The following MAST4 variants were observed in gnomAD, a reference collection of about 807,000 sequenced individuals.
The protein encoded by MAST4 is microtubule associated serine/threonine kinase family member 4.
MAST4 carries 89 observed loss-of-function variants against 162.7 expected under a neutral mutation model. The ratio of observed to expected loss-of-function variants is 0.55; its 90% CI spans 0.46 to 0.65. The LOEUF (loss-of-function observed/expected upper bound fraction) is 0.65. Among genes scored for constraint, MAST4 ranks in the 30% least tolerant of loss-of-function variants. The pLI is 0.00. For missense variants in MAST4, 3,153 were observed against 3,374.0 expected, an observed-to-expected ratio of 0.93 and a Z score of 1.62; for synonymous variants, 1,479 against 1,361.1, an observed-to-expected ratio of 1.09 and a Z score of -1.91.
chr5:66,900,737 A>G (rs768795842), intron 4 of MAST4, among the ~76,000 whole-genome samples: 3 of 152,134 alleles, frequency 2.0e-5, no homozygotes, highest in Non-Finnish European at 4.4e-5. Flanking sequence ...ATAGTATTTA[A>G]GATAAGTTTT....
At chr5:66,668,807 T>C (rs1017977816) in intron 1 of MAST4, among the ~76,000 whole-genome samples, 1 of 152,146 alleles carries the variant, frequency 6.6e-6, no homozygotes, top group Non-Finnish European at 1.5e-5. Flanking sequence ...TATTCAGAGG[T>C]AGTAGGGGGA....
At chr5:66,953,042 T>C (rs889054617) in intron 4 of MAST4, among the ~76,000 whole-genome samples, 5 of 152,230 alleles carry the variant, frequency 3.3e-5, no homozygotes, top group African/African-American at 1.2e-4. Flanking sequence ...GTGTATTAAA[T>C]GAACGATATG....
At chr5:66,924,589 T>C (rs1188192862) in intron 4 of MAST4, among the ~76,000 whole-genome samples, 5 of 152,092 alleles carry the variant, frequency 3.3e-5, no homozygotes, top group Non-Finnish European at 7.3e-5. Flanking sequence ...GTATTTTTAG[T>C]AGAGATGGGG....
At chr5:66,964,867 A>T (rs1746500520) in intron 4 of MAST4, among the ~76,000 whole-genome samples, 1 of 152,246 alleles carries the variant, frequency 6.6e-6, no homozygotes. Flanking sequence ...AGGGCAACTT[A>T]AATTTTTTTA....
intron 1 of MAST4, among the ~76,000 whole-genome samples, chr5:66,641,120 G>T (rs1184339918): frequency 6.6e-6 from 1 of 151,970 alleles, no homozygotes; most frequent in African/African-American, 2.4e-5. Context: ...CTGAATTTTG[G>T]ATGTTCACCT....
intron 3 of MAST4, among the ~76,000 whole-genome samples, chr5:66,832,392 C>T (rs1024472451): frequency 1.8e-4 from 27 of 151,958 alleles, no homozygotes; most frequent in Admixed American, 6.6e-4. Flanking sequence ...GTTTGGTTTG[C>T]TTCTCTTTCT....
At chr5:66,795,500 A>G (rs1344481981) in intron 3 of MAST4, among the ~76,000 whole-genome samples, 2 of 152,214 alleles carry the variant, frequency 1.3e-5, no homozygotes, top group East Asian at 1.9e-4. Context: ...GTACAAATTT[A>G]TACTTTTAGA....
At chr5:66,720,985 T>A (rs1751168408) in intron 1 of MAST4, among the ~76,000 whole-genome samples, 1 of 152,090 alleles carries the variant, frequency 6.6e-6, no homozygotes, top group Admixed American at 6.6e-5. Context: ...CTGCTTGTTG[T>A]CTTAGGTAAC....
intron 14 of MAST4, 41 bp downstream of exon 14, chr5:67,121,143 ACT>A: frequency 7.1e-7 from 1 of 1,411,506 alleles, no homozygotes; most frequent in Non-Finnish European, 9.8e-7. Flanking sequence ...ATTTCTACAC[ACT>A]CAAGTGATAT....
At chr5:66,601,745 C>G (rs1742566277) in intron 1 of MAST4, among the ~76,000 whole-genome samples, 1 of 152,156 alleles carries the variant, frequency 6.6e-6, no homozygotes, top group Non-Finnish European at 1.5e-5. Context: ...GCAGCCGGGT[C>G]ATACAGAGCT....
intron 3 of MAST4, among the ~76,000 whole-genome samples, chr5:66,879,938 G>A (rs998392438): frequency 6.6e-6 from 1 of 152,186 alleles, no homozygotes; most frequent in Non-Finnish European, 1.5e-5. Context: ...GGGGAGTAAA[G>A]CCATCAGATA....
At chr5:66,618,234 A>G (rs1466220326) in intron 1 of MAST4, among the ~76,000 whole-genome samples, 1 of 152,150 alleles carries the variant, frequency 6.6e-6, no homozygotes, top group Non-Finnish European at 1.5e-5. Flanking sequence ...CAGCCCTTTG[A>G]TCCTCACAGC....
chr5:66,646,289 G>C (rs181026391), intron 1 of MAST4, among the ~76,000 whole-genome samples: 134 of 152,148 alleles, frequency 8.8e-4, no homozygotes, highest in African/African-American at 2.9e-3. Context: ...TGTTTTTAGA[G>C]CCCAACATTT....
chr5:67,139,403 T>G (rs1001565931), intron 19 of MAST4, among the ~76,000 whole-genome samples: 1 of 152,200 alleles, frequency 6.6e-6, no homozygotes, highest in Non-Finnish European at 1.5e-5. Flanking sequence ...AAGCATAACT[T>G]GCAATTTGGG....
intron 24 of MAST4, among the ~76,000 whole-genome samples, chr5:67,152,301 T>C (rs986903256): frequency 6.6e-6 from 1 of 152,240 alleles, no homozygotes; most frequent in African/African-American, 2.4e-5. Context: ...AAACATTAAG[T>C]AAAAATGTCA....
At chr5:66,619,212 G>A (rs186693750) in intron 1 of MAST4, among the ~76,000 whole-genome samples, 121 of 152,206 alleles carry the variant, frequency 7.9e-4, no homozygotes, top group African/African-American at 2.7e-3. Flanking sequence ...GGGACTTGAC[G>A]GGATGTTTGC....
At chr5:66,637,033 A>T (rs1014160684) in intron 1 of MAST4, among the ~76,000 whole-genome samples, 1 of 152,224 alleles carries the variant, frequency 6.6e-6, no homozygotes, top group African/African-American at 2.4e-5. Context: ...AATGTTGGTA[A>T]CCTTCTAGAC....
At chr5:67,110,832 T>C (rs1766150209) in intron 11 of MAST4, among the ~76,000 whole-genome samples, 1 of 152,292 alleles carries the variant, frequency 6.6e-6, no homozygotes, top group East Asian at 1.9e-4. Context: ...CAGACCAGCC[T>C]GGCCAACATG....
chr5:67,019,548 G>GT (rs1302727990), intron 4 of MAST4, among the ~76,000 whole-genome samples: 3 of 152,184 alleles, frequency 2.0e-5, no homozygotes, highest in African/African-American at 4.8e-5. Flanking sequence ...GTGTAGAAAT[G>GT]TTTTTTCTCC....
Sources: gnomAD v4.1 joint callset for allele counts (sites outside exome capture counted in the v4.1 genomes callset) on GRCh38, gnomAD v4.1.1 for gene constraint, MANE v1.5 for transcripts, NCBI Gene and HGNC (gene_info 2026-07-23, HGNC 2026-07-21) for gene names.